Variants in SOX5 observed in about 807,000 individuals in gnomAD.
SOX5 encodes the protein SRY-box transcription factor 5, also known as transcription factor SOX-5.
A neutral mutation model predicts 92.0 loss-of-function variants in SOX5; 9 were observed. The observed-to-expected ratio is 0.10, with a 90% CI of 0.06 to 0.17. The LOEUF (loss-of-function observed/expected upper bound fraction) is 0.17. Among genes scored for constraint, SOX5 ranks in the 10% least tolerant of loss-of-function variants. The pLI is 1.00. For missense variants in SOX5, 642 were observed against 944.5 expected, an observed-to-expected ratio of 0.68 and a Z score of 4.20; for synonymous variants, 344 against 336.3, an observed-to-expected ratio of 1.02 and a Z score of -0.25.
At chr12:23,923,579 G>T (rs1362449720) in intron 1 of SOX5, among the ~76,000 whole-genome samples, 6 of 152,086 alleles carry the variant, frequency 3.9e-5, no homozygotes, top group African/African-American at 1.4e-4. Context: ...ATTAAGAAGT[G>T]CCATGACCAA....
rs563823808 is a variant in SOX5, at chr12:24,074,755, G to A, written c.-2+138588C>T. Among the ~76,000 whole-genome samples, 6 of 150,096 alleles carry A rather than the reference G, an allele frequency of 4.0e-5. No homozygotes were observed. The Middle Eastern group carries it at 0.011, about 270-fold the overall frequency. ...TCATACCACTCTTGAATTCACTTTC[G>A]CCATTTCTCTGAAGCATTTATCACA... On this transcript the variant is annotated intron_variant, in intron 4 of 4. Coordinates refer to the SOX5 transcript ENST00000446891.
intron 4 of SOX5, among the ~76,000 whole-genome samples, chr12:24,184,712 A>C (rs532765664): frequency 1.3e-5 from 2 of 152,236 alleles, no homozygotes; most frequent in African/African-American, 4.8e-5. Context: ...GAAGGATCTA[A>C]AACAGAAATA....
intron 4 of SOX5, among the ~76,000 whole-genome samples, chr12:24,017,569 C>T (rs1953790836): frequency 6.6e-6 from 1 of 152,008 alleles, no homozygotes; most frequent in African/African-American, 2.4e-5. Context: ...CCCTGCACTC[C>T]AGCCTGGGTG....
At chr12:24,458,980 G>C (rs1455057441) in intron 1 of SOX5, among the ~76,000 whole-genome samples, 1 of 152,080 alleles carries the variant, frequency 6.6e-6, no homozygotes, top group Non-Finnish European at 1.5e-5. Context: ...ACAGAAATAA[G>C]ATGAACTACC....
rs768157437 is a variant in SOX5 at position 24,355,282 on chromosome 12, C to CTTTTTTTTT, written c.-174+13272_-174+13280dup. Among the ~76,000 whole-genome samples, 48 of 71,922 alleles carry CTTTTTTTTT rather than the reference C, an allele frequency of 6.7e-4. 3 individuals are homozygous for CTTTTTTTTT. Among genetic ancestry groups the CTTTTTTTTT allele is most frequent in the South Asian group, 2.9e-3 (4 of 1,394 alleles). 47.2% of individuals were successfully genotyped at this position (71,922 alleles called of 152,430 possible). ...TTAGCAGGTGTGGTGAGGGGTGCATCTTTTTTTTTTTTTTTTTTTTTTTTT... is the reference window on the plus strand; with the variant it reads ...TTAGCAGGTGTGGTGAGGGGTGCATCTTTTTTTTTTTTTTTTTTTTTTTTTTTTTTTTTT... On this transcript the variant is annotated intron_variant, in intron 2 of 4. Coordinates refer to the SOX5 transcript ENST00000446891.
At position 23,876,889 on chromosome 12, in the gene SOX5, C is replaced by A. The variant is rs573286755; in HGVS notation, c.270+18904G>T. ...AACCATAATTCTCAGCAAACTAACA[C>A]AGAAACAGAAAACCAAACACCTCAT... On this transcript the variant is annotated intron_variant, in intron 2 of 14. Transcript: ENST00000451604. Among the ~76,000 whole-genome samples, 17 of 152,228 alleles carry A rather than the reference C, an allele frequency of 1.1e-4. No homozygotes were observed. In the Middle Eastern group the frequency reaches 0.01, roughly 91 times the overall value.
chr12:24,427,778 G>A (rs1473128698), intron 1 of SOX5, among the ~76,000 whole-genome samples: 2 of 152,172 alleles, frequency 1.3e-5, no homozygotes, highest in African/African-American at 2.4e-5. Context: ...AGAAATCCAC[G>A]ACGGTGGAAA....
intron 3 of SOX5, among the ~76,000 whole-genome samples, chr12:24,230,382 C>A (rs1037363890): frequency 6.6e-6 from 1 of 151,906 alleles, no homozygotes; most frequent in African/African-American, 2.4e-5. Context: ...AGCTATTTAC[C>A]GGTAGAAAAA....
intron 9 of SOX5, chr12:23,584,749 ATGTG>A: frequency 2.1e-6 from 1 of 483,140 alleles, no homozygotes; most frequent in Non-Finnish European, 3.7e-6. Context: ...GTGTGTGTGT[ATGTG>A]TGTGTGTTTA....
chr12:24,146,612 C>A (rs1030570296), intron 4 of SOX5, among the ~76,000 whole-genome samples: 24 of 146,226 alleles, frequency 1.6e-4, no homozygotes, highest in Middle Eastern at 3.5e-3. Context: ...GCAGAAGAAA[C>A]AAAGAAAAGT....
chr12:24,118,207 G>C (rs958918393), intron 4 of SOX5, among the ~76,000 whole-genome samples: 8 of 151,976 alleles, frequency 5.3e-5, no homozygotes, highest in Admixed American at 3.3e-4. Flanking sequence ...TGACCAGTTA[G>C]TTATCACTGT....
chr12:23,550,831 A>G (rs1944058989), intron 11 of SOX5, among the ~76,000 whole-genome samples: 2 of 152,024 alleles, frequency 1.3e-5, no homozygotes, highest in Non-Finnish European at 2.9e-5. Flanking sequence ...AGGTTCTAAT[A>G]GGCATCCTAT....
chr12:24,142,289 T>C (rs1283562623), intron 4 of SOX5, among the ~76,000 whole-genome samples: 1 of 152,112 alleles, frequency 6.6e-6, no homozygotes, highest in East Asian at 1.9e-4. Context: ...TGGCCTTAAA[T>C]TGGAGATAAG....
At chr12:23,623,293 T>C (rs1750492257) in intron 8 of SOX5, among the ~76,000 whole-genome samples, 1 of 152,188 alleles carries the variant, frequency 6.6e-6, no homozygotes, top group Non-Finnish European at 1.5e-5. Flanking sequence ...ACAAATGTAT[T>C]AGATAATTAT....
chr12:23,700,369 T>C (rs75420412), intron 6 of SOX5, among the ~76,000 whole-genome samples: 14,212 of 152,160 alleles, frequency 0.093, 980 homozygotes, highest in African/African-American at 0.2. Context: ...TCGTAGTCTG[T>C]GTTCTAGACC....
At chr12:23,770,258 C>G (rs1020820909) in intron 3 of SOX5, among the ~76,000 whole-genome samples, 1 of 151,896 alleles carries the variant, frequency 6.6e-6, no homozygotes, top group Admixed American at 6.6e-5. Context: ...GATGTATAGT[C>G]AAAGATATTT....
chr12:24,358,953 AT>A (rs1202432438), intron 2 of SOX5, among the ~76,000 whole-genome samples: 5 of 152,230 alleles, frequency 3.3e-5, no homozygotes, highest in Non-Finnish European at 7.3e-5. Flanking sequence ...GAAAGGAGGT[AT>A]ATATCTATCC....
At chr12:24,367,366 C>T (rs1193462699) in intron 2 of SOX5, among the ~76,000 whole-genome samples, 3 of 152,126 alleles carry the variant, frequency 2.0e-5, no homozygotes, top group African/African-American at 7.2e-5. Flanking sequence ...TACCACTTTG[C>T]CAATGTTATG....
chr12:24,156,143 C>T (rs1291579224), intron 4 of SOX5, among the ~76,000 whole-genome samples: 3 of 152,054 alleles, frequency 2.0e-5, no homozygotes, highest in South Asian at 2.1e-4. Flanking sequence ...GCCTGGGAGT[C>T]GGTGTTTCAT....
Sources: allele counts gnomAD v4.1 joint callset (sites outside exome capture counted in the v4.1 genomes callset), GRCh38; gene constraint gnomAD v4.1.1; transcripts MANE v1.5; gene names NCBI Gene and HGNC (gene_info 2026-07-23, HGNC 2026-07-21).